The following CCDC181 variants were observed in gnomAD, a reference collection of about 807,000 sequenced individuals.
CCDC181 encodes the protein coiled-coil domain containing 181.
Under a neutral mutation model 58.7 loss-of-function variants are expected in CCDC181, and 35 were observed. The ratio of observed to expected loss-of-function variants is 0.60; its 90% CI spans 0.46 to 0.79. The LOEUF is 0.79. Among genes scored for constraint, CCDC181 ranks in the 30% least tolerant of loss-of-function variants. The probability of loss-of-function intolerance (pLI) is 0.00; values close to 1 mark genes in which losing one functional copy is unlikely to be tolerated. For missense variants in CCDC181, 517 were observed against 583.9 expected, an observed-to-expected ratio of 0.89 and a Z score of 1.18; for synonymous variants, 183 against 197.5, an observed-to-expected ratio of 0.93 and a Z score of 0.62.
intron 2 of CCDC181, chr1:169,442,999 T>C (rs981829413): frequency 2.6e-5 from 4 of 151,862 alleles, no homozygotes; most frequent in African/African-American, 9.7e-5. Context: ...GAGAGACATA[T>C]ATGTGTCTAT....
At position 169,424,355 on chromosome 1, in the gene CCDC181, G is replaced by A. The variant is rs947331239; in HGVS notation, c.117+456C>T. On this transcript the variant is annotated intron_variant, in intron 2 of 5. Transcript: ENST00000367806. ...TGTTCTCTATATTCATTGCCAAGAA[G>A]AGCTAATTCAGTCTTAAAGTTTTAA... is the stretch of plus-strand genomic sequence containing the variant. Among the ~76,000 whole-genome samples, 10 of 151,934 alleles carry A rather than the reference G, an allele frequency of 6.6e-5. No individual in the cohort carries two copies. The South Asian group carries it at 1.0e-3, about 16-fold the overall frequency.
At chr1:169,427,569 T>G (rs1388263957), upstream of CCDC181, 2 of 152,056 alleles carry the variant, frequency 1.3e-5, no homozygotes, top group African/African-American at 4.8e-5. Flanking sequence ...GAAGCTGAGG[T>G]TTCTAAGGGG....
At chr1:169,433,235 A>G (rs1370190869) in intron 2 of CCDC181, among the ~76,000 whole-genome samples, 1 of 152,064 alleles carries the variant, frequency 6.6e-6, no homozygotes, top group Non-Finnish European at 1.5e-5. Flanking sequence ...AATTTATAAT[A>G]TAAAAAAGAA....
intron 5 of CCDC181, 120 bp from the exon 6 acceptor site, chr1:169,395,326 G>T: frequency 3.5e-6 from 3 of 865,596 alleles, no homozygotes; most frequent in Non-Finnish European, 4.8e-6. Flanking sequence ...TACTGTCACA[G>T]CACAAATTTT....
intron 4 of CCDC181, among the ~76,000 whole-genome samples, chr1:169,398,492 T>C (rs1655172721): frequency 1.3e-5 from 2 of 152,238 alleles, no homozygotes; most frequent in Non-Finnish European, 2.9e-5. Context: ...ATCCCCATTC[T>C]TTTGTTCTTT....
At chr1:169,429,157 G>C (rs116430629), upstream of CCDC181, among the ~76,000 whole-genome samples, 8,704 of 152,238 alleles carry the variant, frequency 0.057, 279 homozygotes, top group Middle Eastern at 0.11. Flanking sequence ...TGACTGAGTA[G>C]TATTCCATGG....
At chr1:169,420,397 CTTTTT>C (rs58922330) in intron 3 of CCDC181, among the ~76,000 whole-genome samples, 9 of 133,992 alleles carry the variant, frequency 6.7e-5, no homozygotes, top group Non-Finnish European at 8.1e-5. Context: ...TCATGTTTCA[CTTTTT>C]TTTTTTTTTT....
chr1:169,451,550 TTATAATGA>T (rs1657539674), intron 2 of CCDC181, among the ~76,000 whole-genome samples: 1 of 152,072 alleles, frequency 6.6e-6, no homozygotes, highest in Non-Finnish European at 1.5e-5. Context: ...CAGCAAACTG[TTATAATGA>T]TTGCCACTCC....
At chr1:169,426,748 T>A (rs1409719612) in intron 1 of CCDC181, among the ~76,000 whole-genome samples, 5 of 152,178 alleles carry the variant, frequency 3.3e-5, no homozygotes, top group African/African-American at 1.2e-4. Context: ...CAAAAACTAA[T>A]CCATACATCA....
At chr1:169,409,015 A>G (rs538814031) in intron 4 of CCDC181, among the ~76,000 whole-genome samples, 1 of 152,312 alleles carries the variant, frequency 6.6e-6, no homozygotes, top group East Asian at 1.9e-4. Context: ...CCAGCAAGGG[A>G]ACAAAACTGG....
At chr1:169,446,527 C>A (rs562822776) in intron 2 of CCDC181, among the ~76,000 whole-genome samples, 1 of 152,280 alleles carries the variant, frequency 6.6e-6, no homozygotes, top group Non-Finnish European at 1.5e-5. Flanking sequence ...TTGAATATTT[C>A]TTCTTTGCTA....
At position 169,395,203 on chromosome 1, in the gene CCDC181, C is replaced by A. The variant is rs748777852; in HGVS notation, c.1374G>T (p.Trp458Cys). ...TEGRERAFKQWLRRKRMEKMA... is the reference protein window; with the variant it reads ...TEGRERAFKQCLRRKRMEKMA... ...TTTTTTCCATCCGTTTCCTTCTTAACCATCTGTAGAAACAGGCATGATCAG... is the reference window on the plus strand; with the variant it reads ...TTTTTTCCATCCGTTTCCTTCTTAAACATCTGTAGAAACAGGCATGATCAG... Residue 458 changes from tryptophan (W) to cysteine (C), a missense_variant, in exon 6 of 6, where the codon TGG (tryptophan) becomes TGT (cysteine). Trp to Cys is a radical substitution (Grantham distance 215, BLOSUM62 -2). Coordinates refer to ENST00000367806, the MANE Select transcript of CCDC181 (RefSeq NM_001300969.2). 1 of 1,609,832 alleles carries A rather than the reference C, an allele frequency of 6.2e-7. No homozygotes were observed. The highest frequency in any genetic ancestry group is 1.1e-5 in the South Asian group (1 of 90,182).
intron 2 of CCDC181, among the ~76,000 whole-genome samples, chr1:169,438,534 A>C (rs1170577768): frequency 6.6e-6 from 1 of 152,198 alleles, no homozygotes; most frequent in Non-Finnish European, 1.5e-5. Context: ...TGCATGGGGA[A>C]CCGAATTAAC....
chr1:169,413,754 C>G (rs1441690372), intron 4 of CCDC181, among the ~76,000 whole-genome samples: 2 of 151,562 alleles, frequency 1.3e-5, no homozygotes, highest in African/African-American at 2.4e-5. Flanking sequence ...TCATTCTCAA[C>G]AAACTAACAC....
intron 4 of CCDC181, among the ~76,000 whole-genome samples, chr1:169,404,387 T>C (rs1655532387): frequency 6.6e-6 from 1 of 152,192 alleles, no homozygotes; most frequent in Non-Finnish European, 1.5e-5. Context: ...ATACCCCTGA[T>C]GAACATTGAT....
At chr1:169,451,549 G>A (rs1257208010) in intron 2 of CCDC181, among the ~76,000 whole-genome samples, 2 of 152,082 alleles carry the variant, frequency 1.3e-5, no homozygotes, top group Admixed American at 6.6e-5. Flanking sequence ...ACAGCAAACT[G>A]TTATAATGAT....
Position 169,424,820 on chromosome 1 carries a change from G to T in CCDC181, c.108C>A (p.Ser36Arg), listed in dbSNP as rs759171287. ...TGTTGGCAATATATACCTCTATTAT[G>T]CTGGCATCACTTTTTTCATTTTCAT... The part of the protein sequence containing the change: ...LINENEKSDA[S>R]IIEMACEKEE... Residue 36 changes from serine to arginine, a missense_variant, in exon 2 of 6, where the codon AGC (serine) becomes AGA (arginine). Ser to Arg is a moderately radical substitution (Grantham distance 110, BLOSUM62 -1). Coordinates refer to ENST00000367806, the MANE Select transcript of CCDC181 (RefSeq NM_001300969.2). The T allele has an allele frequency of 1.7e-5, 26 of 1,562,210 alleles. No homozygotes were observed. Among genetic ancestry groups the T allele is most frequent in the Non-Finnish European group, 2.1e-5 (24 of 1,137,366 alleles).
Position 169,394,946 on chromosome 1 carries a change from C to A in CCDC181, c.*101G>T. 1 of 1,058,492 alleles carries A rather than the reference C, an allele frequency of 9.4e-7. No individual in the cohort carries two copies. 65.6% of individuals were successfully genotyped at this position (1,058,492 alleles called of 1,614,324 possible). ...ATTCACTGTCAATAAAAGATAAATA[C>A]CATTTCCATAATTTAGAATACAACC... On this transcript the variant is annotated 3_prime_UTR_variant, in exon 6 of 6. Transcript: ENST00000367806.
At chr1:169,419,257 C>A in intron 3 of CCDC181, 98 bp from the exon 4 acceptor site, 1 of 1,356,936 alleles carries the variant, frequency 7.4e-7, no homozygotes, top group Non-Finnish European at 9.7e-7. Context: ...AATTAGGATT[C>A]CCTGACCCTA....
Sources: gnomAD v4.1 joint callset for allele counts (sites outside exome capture counted in the v4.1 genomes callset) on GRCh38, gnomAD v4.1.1 for gene constraint, MANE v1.5 for transcripts, NCBI Gene and HGNC (gene_info 2026-07-23, HGNC 2026-07-21) for gene names.